Variants in TRIM71 observed in about 807,000 individuals in gnomAD.
TRIM71 encodes E3 ubiquitin-protein ligase TRIM71.
A neutral mutation model predicts 61.2 loss-of-function variants in TRIM71; 9 were observed. The ratio of observed to expected loss-of-function variants is 0.15; its 90% CI spans 0.09 to 0.26. The LOEUF (loss-of-function observed/expected upper bound fraction) is 0.26, where lower values mean the gene tolerates loss of function less well. TRIM71 is among the 10% of genes least tolerant of loss of function. The pLI is 1.00. For missense variants in TRIM71, 998 were observed against 1,238.7 expected (o/e 0.81, Z 2.92); for synonymous variants, 645 against 553.2 (o/e 1.17, Z -2.33).
intron 1 of TRIM71, among the ~76,000 whole-genome samples, chr3:32,845,621 G>A (rs1162354142): frequency 7.9e-5 from 12 of 152,186 alleles, no homozygotes. Flanking sequence ...TGTATGTATT[G>A]TTAATGACAG....
At chr3:32,880,047 A>G (rs536527625) in intron 2 of TRIM71, among the ~76,000 whole-genome samples, 59 of 151,794 alleles carry the variant, frequency 3.9e-4, no homozygotes, top group African/African-American at 1.4e-3. Context: ...TTGTGATTAT[A>G]TTTTTTATTA....
intron 1 of TRIM71, among the ~76,000 whole-genome samples, chr3:32,853,124 T>C (rs1034882445): frequency 2.8e-5 from 2 of 72,546 alleles, no homozygotes; most frequent in African/African-American, 6.2e-5. Flanking sequence ...CTCTCTCTTT[T>C]TTTTTTTTTT....
chr3:32,870,172 A>G (rs1375460201), intron 1 of TRIM71, among the ~76,000 whole-genome samples: 1 of 152,250 alleles, frequency 6.6e-6, no homozygotes, highest in Non-Finnish European at 1.5e-5. Context: ...TAGATGAGAC[A>G]TGGAGCTTCT....
At chr3:32,854,020 A>G (rs1430702668) in intron 1 of TRIM71, among the ~76,000 whole-genome samples, 1 of 150,688 alleles carries the variant, frequency 6.6e-6, no homozygotes, top group Non-Finnish European at 1.5e-5. Flanking sequence ...AAAAAAAAGG[A>G]AAGAAAAGTC....
intron 1 of TRIM71, among the ~76,000 whole-genome samples, chr3:32,849,095 G>A (rs1696509063): frequency 6.6e-6 from 1 of 152,196 alleles, no homozygotes; most frequent in Admixed American, 6.5e-5. Flanking sequence ...AAGTGGACAG[G>A]GGACTTAAGG....
At chr3:32,849,794 A>G (rs958041952) in intron 1 of TRIM71, among the ~76,000 whole-genome samples, 1 of 152,144 alleles carries the variant, frequency 6.6e-6, no homozygotes, top group Non-Finnish European at 1.5e-5. Context: ...CTTTTTTGTC[A>G]AGAACCCCTT....
At chr3:32,847,296 A>T (rs547242722) in intron 1 of TRIM71, among the ~76,000 whole-genome samples, 2 of 150,114 alleles carry the variant, frequency 1.3e-5, no homozygotes, top group Admixed American at 6.7e-5. Flanking sequence ...TCCCGGGTCC[A>T]AGTGATTCTC....
At chr3:32,851,153 G>GA (rs1339374827) in intron 1 of TRIM71, among the ~76,000 whole-genome samples, 1 of 152,088 alleles carries the variant, frequency 6.6e-6, no homozygotes, top group African/African-American at 2.4e-5. Context: ...GGGCTGTGGG[G>GA]AAAAAAGTTT....
intron 1 of TRIM71, among the ~76,000 whole-genome samples, chr3:32,849,776 A>G (rs1422359598): frequency 6.6e-6 from 1 of 152,018 alleles, no homozygotes; most frequent in Non-Finnish European, 1.5e-5. Flanking sequence ...TTGGCTATGG[A>G]TTCTTAACTT....
intron 1 of TRIM71, among the ~76,000 whole-genome samples, chr3:32,869,973 C>G (rs372547353): frequency 6.8e-4 from 104 of 152,372 alleles, no homozygotes; most frequent in African/African-American, 2.3e-3. Context: ...TCCCTTCCCC[C>G]CTTTCCCGGG....
chr3:32,881,017 G>GTA (rs200184236), intron 2 of TRIM71, among the ~76,000 whole-genome samples: 2,066 of 151,108 alleles, frequency 0.014, 48 homozygotes, highest in African/African-American at 0.046. Flanking sequence ...TTTTATATAT[G>GTA]TATATATATA....
At chr3:32,823,157 G>A (rs1378087923) in intron 1 of TRIM71, among the ~76,000 whole-genome samples, 1 of 152,220 alleles carries the variant, frequency 6.6e-6, no homozygotes, top group Non-Finnish European at 1.5e-5. Context: ...TAGACATTAG[G>A]AAGCCTACTG....
In TRIM71 at chr3:32,818,426, C is replaced by T. The variant is rs1033894972; in HGVS notation, c.346C>T (p.Leu116Phe). The T allele has an allele frequency of 4.0e-5, 59 of 1,475,198 alleles. No homozygotes were observed. Among genetic ancestry groups the T allele is most frequent in the Non-Finnish European group, 5.3e-5 (59 of 1,117,830 alleles). 91.4% of individuals were successfully genotyped at this position (1,475,198 alleles called of 1,614,324 possible). The stretch of plus-strand genomic sequence containing the variant: ...CGCGCTGCCTTCGTCCGCCTTCCTG[C>T]TTAGCAACCTGCTCGACGCGGTGGT... ...MDALPSSAFL[L>F]SNLLDAVVAT... Residue 116 changes from leucine (L) to phenylalanine (F), a missense_variant, in exon 1 of 4, where the codon CTT (leucine) becomes TTT (phenylalanine). This residue lies in a region of TRIM71 where 527 missense variants were observed against 427.8 expected (regional missense o/e 1.23). Coordinates refer to ENST00000383763, the MANE Select transcript of TRIM71 (RefSeq NM_001039111.3).
At position 32,891,153 on chromosome 3, in the gene TRIM71, C is replaced by T; in HGVS notation, c.1949C>T (p.Pro650Leu). ...HHKFGTLGSR[P>L]GQFDRPAGVA... is the part of the protein sequence containing the mutation. ...AAATTCGGCACCCTGGGCTCCCGGC[C>T]TGGGCAGTTCGACCGACCAGCCGGC... Residue 650 changes from proline (P) to leucine (L), a missense_variant, in exon 4 of 4, where the codon CCT becomes CTT. Around this residue, in one of 5 missense-constraint regions of TRIM71, gnomAD observed 83 missense variants for 202.7 expected, o/e 0.41. Coordinates refer to ENST00000383763, the MANE Select transcript of TRIM71 (RefSeq NM_001039111.3). The surrounding 1 kb of genome is among the most constrained non-coding windows in gnomAD (Gnocchi z 8.2). 15 of 1,613,170 alleles carry T rather than the reference C, an allele frequency of 9.3e-6. No individual in the cohort carries two copies. Among genetic ancestry groups the T allele is most frequent in the Non-Finnish European group, 1.3e-5 (15 of 1,180,012 alleles).
Position 32,890,516 on chromosome 3 carries a change from C to T in TRIM71, c.1312C>T (p.Leu438=), listed in dbSNP as rs1170640312. 6.2e-7 allele frequency: 1 copy of T among 1,614,174 alleles called. No homozygotes were observed. ...LDILLARDRM[L]AQVQELKTVR... The stretch of plus-strand genomic sequence containing the variant: ...CATCCTACTGGCCCGAGACCGGATG[C>T]TGGCCCAGGTGCAGGAGCTGAAGAC... Residue 438 remains leucine (L), a synonymous_variant, in exon 4 of 4, where the codon CTG becomes TTG. Coordinates refer to ENST00000383763, the MANE Select transcript of TRIM71 (RefSeq NM_001039111.3). The surrounding 1 kb of genome is among the most constrained non-coding windows in gnomAD (Gnocchi z 6.2).
chr3:32,869,898 C>CATCT (rs1235728757), intron 1 of TRIM71, among the ~76,000 whole-genome samples: 1 of 152,192 alleles, frequency 6.6e-6, no homozygotes, highest in Non-Finnish European at 1.5e-5. Context: ...CGTGTCTGTG[C>CATCT]ATCTGCCCGG....
chr3:32,851,852 A>C (rs977934334), intron 1 of TRIM71, among the ~76,000 whole-genome samples: 1 of 152,196 alleles, frequency 6.6e-6, no homozygotes, highest in African/African-American at 2.4e-5. Context: ...AATTATTTCA[A>C]ACTTAAATTT....
At chr3:32,853,187 G>T (rs934825209) in intron 1 of TRIM71, among the ~76,000 whole-genome samples, 5 of 148,852 alleles carry the variant, frequency 3.4e-5, no homozygotes, top group African/African-American at 1.0e-4. Context: ...CACCATCTCA[G>T]CTCACTGCAA....
In TRIM71 at chr3:32,869,961, A is replaced by G. The variant is rs1001776575; in HGVS notation, c.853-3857A>G. On this transcript the variant is annotated intron_variant, in intron 1 of 3. Coordinates refer to ENST00000383763, the MANE Select transcript of TRIM71 (RefSeq NM_001039111.3). ...TGCTGCTAGACGACCTGTTCTTCCC[A>G]GTCCCTTCCCCCCTTTCCCGGGAGC... 3.3e-5 allele frequency among the ~76,000 whole-genome samples: 5 copies of G among 152,330 alleles called. No homozygotes were observed. The South Asian group carries it at 1.0e-3, about 32-fold the overall frequency.
Sources: gnomAD v4.1 joint callset for allele counts (sites outside exome capture counted in the v4.1 genomes callset) on GRCh38, gnomAD v4.1.1 for gene constraint, gnomAD v4.1.1 regional missense constraint, Gnocchi (gnomAD v3.1) non-coding constraint, MANE v1.5 for transcripts, NCBI Gene and HGNC (gene_info 2026-07-23, HGNC 2026-07-21) for gene names.